The following ZNF251 variants were observed in gnomAD, a reference collection of about 807,000 sequenced individuals.
The protein encoded by ZNF251 is zinc finger protein 251.
A neutral mutation model predicts 13.5 loss-of-function variants in ZNF251; 14 were observed. That is an observed-to-expected ratio of 1.04 (90% confidence interval 0.69 to 1.63). The LOEUF (loss-of-function observed/expected upper bound fraction) is 1.63. ZNF251 is among the 40% of genes most tolerant of loss of function. The pLI is 0.00. For synonymous variants in ZNF251, 287 were observed against 295.2 expected (o/e 0.97, Z 0.28); for missense variants, 764 against 834.9 (o/e 0.92, Z 1.05).
At chr8:144,752,476 AC>A (rs1824743603) in intron 4 of ZNF251, among the ~76,000 whole-genome samples, 1 of 152,218 alleles carries the variant, frequency 6.6e-6, no homozygotes, top group African/African-American at 2.4e-5. Flanking sequence ...AAACTAGATA[AC>A]ATTTTGAACT....
At chr8:144,748,572 T>C (rs935598055) in intron 4 of ZNF251, among the ~76,000 whole-genome samples, 1 of 152,008 alleles carries the variant, frequency 6.6e-6, no homozygotes, top group African/African-American at 2.4e-5. Context: ...AGGTTTCTTT[T>C]TTCTTTGCAA....
At position 144,754,251 on chromosome 8, in the gene ZNF251, T is replaced by TGGGGGCCCAGCTGCC. The variant is rs1002023858; in HGVS notation, c.89_103dup (p.Arg30_Pro34dup). The stretch of plus-strand genomic sequence containing the variant: ...CACATCCCGGTAGAGCGCCCGCTGC[T>TGGGGGCCCAGCTGCC]GGGGGCCCAGCTGCCGCCCCTCCGC... On this transcript the variant is annotated inframe_insertion, in exon 3 of 5. Transcript: ENST00000292562. 1 of 1,613,916 alleles carries TGGGGGCCCAGCTGCC rather than the reference T, an allele frequency of 6.2e-7. No homozygotes were observed. Among genetic ancestry groups the TGGGGGCCCAGCTGCC allele is most frequent in the Non-Finnish European group, 8.5e-7 (1 of 1,179,932 alleles).
Position 144,735,381 on chromosome 8 carries a change from C to CAA in ZNF251, c.278-12001_278-12000dup, listed in dbSNP as rs145271344. Among the ~76,000 whole-genome samples, 345 of 94,552 alleles carry CAA rather than the reference C, an allele frequency of 3.6e-3. 1 individual carries two copies. Among genetic ancestry groups the CAA allele is most frequent in the African/African-American group, 0.013 (324 of 24,524 alleles). 62.0% of individuals were successfully genotyped at this position (94,552 alleles called of 152,430 possible). On this transcript the variant is annotated intron_variant, in intron 4 of 4. Transcript: ENST00000292562. Reference sequence around the variant, plus strand: ...TGGGCAACAGAGCAAGACTCCGTCTCAAAAAAAAAAAAAAAAAAAGAGATT... The same window carrying CAA: ...TGGGCAACAGAGCAAGACTCCGTCTCAAAAAAAAAAAAAAAAAAAAAGAGATT...
intron 4 of ZNF251, among the ~76,000 whole-genome samples, chr8:144,737,758 G>A (rs910472413): frequency 2.0e-5 from 3 of 150,064 alleles, no homozygotes; most frequent in African/African-American, 7.4e-5. Context: ...CGTGAACCCG[G>A]GAGGCAGAGC....
chr8:144,738,627 C>T (rs1305029234), intron 4 of ZNF251: 1 of 985,344 alleles, frequency 1.0e-6, no homozygotes, highest in Non-Finnish European at 1.2e-6. Context: ...TCCAAACTGC[C>T]TTCTGCCCAT....
intron 4 of ZNF251, 129 bp downstream of exon 4, chr8:144,753,554 T>G (rs1013562663): frequency 1.5e-6 from 1 of 647,268 alleles, no homozygotes; most frequent in Non-Finnish European, 2.7e-6. Flanking sequence ...GTAGAGGGGC[T>G]GTATCTGTGA....
At chr8:144,753,059 T>G in intron 4 of ZNF251, among the ~76,000 whole-genome samples, 1 of 151,860 alleles carries the variant, frequency 6.6e-6, no homozygotes, top group Non-Finnish European at 1.5e-5. Context: ...GATCACTTGA[T>G]CTCAAGAATT....
In ZNF251 at chr8:144,721,240, C is replaced by G. The variant is rs960090825; in HGVS notation, c.*404G>C. 3.6e-4 allele frequency: 89 copies of G among 246,662 alleles called. No homozygotes were observed. The highest frequency in any genetic ancestry group is 4.3e-4 in the Non-Finnish European group (56 of 130,608). 15.3% of individuals were successfully genotyped at this position (246,662 alleles called of 1,614,324 possible). A position where few individuals can be genotyped will look rare whatever the true frequency, so the allele number is the denominator to read the frequency against. On this transcript the variant is annotated 3_prime_UTR_variant, in exon 5 of 5. Coordinates refer to ENST00000292562, the MANE Select transcript of ZNF251 (RefSeq NM_138367.2). ...CAGCAGGCCCAAGTTCTCTGTACCA[C>G]ACTTGGAGGCAGGTATATGGGACTG...
At position 144,732,612 on chromosome 8, in the gene ZNF251, A is replaced by G. The variant is rs374273695; in HGVS notation, c.278-9230T>C. Reference sequence around the variant, plus strand: ...GGAATCACGAGGTCAGGAGATGGAGACCATCCTGGCCAACACGGTGAAACC... The same window carrying G: ...GGAATCACGAGGTCAGGAGATGGAGGCCATCCTGGCCAACACGGTGAAACC... On this transcript the variant is annotated intron_variant, in intron 4 of 4. Coordinates refer to ENST00000292562, the MANE Select transcript of ZNF251 (RefSeq NM_138367.2). 2.6e-4 allele frequency among the ~76,000 whole-genome samples: 40 copies of G among 151,680 alleles called. No individual in the cohort carries two copies. In the East Asian group the frequency reaches 6.7e-3, roughly 25 times the overall value.
At position 144,734,154 on chromosome 8, in the gene ZNF251, C is replaced by T. The variant is rs540781438; in HGVS notation, c.278-10772G>A. Among the ~76,000 whole-genome samples, 217 of 152,356 alleles carry T rather than the reference C, an allele frequency of 1.4e-3. 1 individual carries two copies. The highest frequency in any genetic ancestry group is 5.1e-3 in the African/African-American group (212 of 41,588). ...TCTGTTGGGACCTTCCCATGCCACA[C>T]CTGCCTGGTGTTTTCCTTTGTCCCA... On this transcript the variant is annotated intron_variant, in intron 4 of 4. Coordinates refer to ENST00000292562, the MANE Select transcript of ZNF251 (RefSeq NM_138367.2). The surrounding 1 kb of genome is among the most constrained non-coding windows in gnomAD (Gnocchi z 4.4).
chr8:144,722,035 T>C lies in ZNF251; in HGVS notation c.1625A>G (p.Lys542Arg), dbSNP rs1200181631. ...ACCATGGTTAAAGGCTCTGCCGTGC[T>C]TCTCTCCAGTGGGAATCTGTCCATC... ...TADGQIPTGE[K>R]HGRAFNHGAN... is the part of the protein sequence containing the mutation. Residue 542 changes from lysine to arginine, a missense_variant, in exon 5 of 5, where the codon AAG (lysine) becomes AGG (arginine). Physicochemically the swap from Lys to Arg is conservative, Grantham distance 26. Coordinates refer to ENST00000292562, the MANE Select transcript of ZNF251 (RefSeq NM_138367.2). This position sits in a 1 kb window ranked among gnomAD's most constrained non-coding sequence, Gnocchi z 4.8. 1 of 1,611,910 alleles carries C rather than the reference T, an allele frequency of 6.2e-7. No individual in the cohort carries two copies. The highest frequency in any genetic ancestry group is 8.5e-7 in the Non-Finnish European group (1 of 1,178,826).
Position 144,722,839 on chromosome 8 carries a change from A to G in ZNF251, c.821T>C (p.Phe274Ser), listed in dbSNP as rs746521488. ...AAGACGGAGGTGAGAATTGAGTCCAAAAGTTTTCCCACATTCATCACATTT... is the reference window on the plus strand; with the variant it reads ...AAGACGGAGGTGAGAATTGAGTCCAGAAGTTTTCCCACATTCATCACATTT... ...PFKCDECGKT[F>S]GLNSHLRLHR... Residue 274 changes from phenylalanine (F) to serine (S), a missense_variant, in exon 5 of 5, where the codon TTT (phenylalanine) becomes TCT (serine). By Grantham distance (155) the Phe-to-Ser change is radical (BLOSUM62 -2). Transcript: ENST00000292562. The surrounding 1 kb of genome is among the most constrained non-coding windows in gnomAD (Gnocchi z 4.8). The G allele has an allele frequency of 1.9e-6, 3 of 1,614,028 alleles. No homozygotes were observed. Among genetic ancestry groups the G allele is most frequent in the South Asian group, 1.1e-5 (1 of 91,086 alleles).
At chr8:144,725,978 C>T (rs1321896595) in intron 4 of ZNF251, among the ~76,000 whole-genome samples, 1 of 152,038 alleles carries the variant, frequency 6.6e-6, no homozygotes, top group African/African-American at 2.4e-5. Context: ...GGGTGGATCA[C>T]TTGAGGCCAG....
chr8:144,749,525 T>G (rs1453788450), intron 4 of ZNF251, among the ~76,000 whole-genome samples: 1 of 152,216 alleles, frequency 6.6e-6, no homozygotes. Flanking sequence ...TTACTGATGT[T>G]GCTGAATTAA....
intron 4 of ZNF251, chr8:144,738,747 C>T: frequency 1.0e-6 from 1 of 984,970 alleles, no homozygotes; most frequent in Non-Finnish European, 1.2e-6. Context: ...TCAAGGCAAC[C>T]TCGTGGGGGC....
In ZNF251 at chr8:144,722,062, G is replaced by A. The variant is rs748837909; in HGVS notation, c.1598C>T (p.Ala533Val). The A allele has an allele frequency of 1.2e-6, 2 of 1,613,372 alleles. No homozygotes were observed. The highest frequency in any genetic ancestry group is 1.7e-6 in the Non-Finnish European group (2 of 1,179,650). ...PAFVHGSSLT[A>V]DGQIPTGEKH... ...CTCTCCAGTGGGAATCTGTCCATCT[G>A]CTGTGAGGCTGGAGCCATGAACAAA... is the stretch of plus-strand genomic sequence containing the variant. Residue 533 changes from alanine to valine, a missense_variant, in exon 5 of 5, where the codon GCA (alanine) becomes GTA (valine). By Grantham distance (64) the Ala-to-Val change is moderately conservative (BLOSUM62 0). Coordinates refer to ENST00000292562, the MANE Select transcript of ZNF251 (RefSeq NM_138367.2). This position sits in a 1 kb window ranked among gnomAD's most constrained non-coding sequence, Gnocchi z 4.8.
At chr8:144,732,775 G>A (rs7841790) in intron 4 of ZNF251, among the ~76,000 whole-genome samples, 23 of 143,952 alleles carry the variant, frequency 1.6e-4, no homozygotes, top group South Asian at 1.3e-3. Flanking sequence ...TCGCACCACT[G>A]CACTCCAGCC....
In ZNF251 at chr8:144,722,810, G is replaced by T. The variant is rs370963102; in HGVS notation, c.850C>A (p.Arg284=). The change falls in exon 5 of 5, where the codon CGG becomes AGG. Residue 284 remains arginine, a synonymous_variant. Transcript: ENST00000292562. The surrounding 1 kb of genome is among the most constrained non-coding windows in gnomAD (Gnocchi z 4.8). The part of the protein sequence containing the change: ...FGLNSHLRLH[R]RIHTGEKPFG... ...GGTTTTTCTCCAGTGTGAATTCTCC[G>T]ATGAAGACGGAGGTGAGAATTGAGT... The T allele has an allele frequency of 3.1e-6, 5 of 1,613,932 alleles. No homozygotes were observed. Among genetic ancestry groups the T allele is most frequent in the Non-Finnish European group, 4.2e-6 (5 of 1,179,924 alleles).
chr8:144,733,119 A>G (rs903174731), intron 4 of ZNF251, among the ~76,000 whole-genome samples: 2 of 151,248 alleles, frequency 1.3e-5, no homozygotes, highest in Non-Finnish European at 2.9e-5. Flanking sequence ...GTACACGGGA[A>G]GCTGAGGCAG....
Sources: gnomAD v4.1 joint callset for allele counts (sites outside exome capture counted in the v4.1 genomes callset) on GRCh38, gnomAD v4.1.1 for gene constraint, Gnocchi (gnomAD v3.1) non-coding constraint, MANE v1.5 for transcripts, NCBI Gene and HGNC (gene_info 2026-07-23, HGNC 2026-07-21) for gene names.